PDE4B: variants seen among roughly 807,000 people sequenced by gnomAD.
PDE4B encodes 3',5'-cyclic-AMP phosphodiesterase 4B.
Under a neutral mutation model 82.2 loss-of-function variants are expected in PDE4B, and 20 were observed. That is an observed-to-expected ratio of 0.24 (90% CI 0.17 to 0.35). The LOEUF (loss-of-function observed/expected upper bound fraction) is 0.35. Ranked by LOEUF, PDE4B falls within the 10% of genes least tolerant of loss-of-function variation. The probability of loss-of-function intolerance (pLI) is 1.00; values close to 1 mark genes in which losing one functional copy is unlikely to be tolerated. For missense variants in PDE4B, 655 were observed against 907.2 expected, an observed-to-expected ratio of 0.72 and a Z score of 3.57; for synonymous variants, 320 against 318.9, an observed-to-expected ratio of 1.00 and a Z score of -0.04.
intron 1 of PDE4B, among the ~76,000 whole-genome samples, chr1:65,805,617 T>G (rs1645746290): frequency 6.6e-6 from 1 of 152,176 alleles, no homozygotes; most frequent in South Asian, 2.1e-4. Context: ...GGTTTAATCT[T>G]TTGTATTGAT....
chr1:66,327,458 T>C (rs1422681654), intron 7 of PDE4B, among the ~76,000 whole-genome samples: 1 of 152,186 alleles, frequency 6.6e-6, no homozygotes, highest in East Asian at 1.9e-4. Flanking sequence ...ATCATTTGAA[T>C]TTTTGGCTTC....
rs964977752 is a variant in PDE4B, at chr1:66,107,650, G to A, written c.282-139810G>A. Among the ~76,000 whole-genome samples the A allele has an allele frequency of 2.0e-5, 3 of 151,844 alleles. No homozygotes were observed. In the East Asian group the frequency reaches 5.8e-4, roughly 29 times the overall value. ...GTTATGCAGATATATTCACTTCAAG[G>A]CAAAACACCAAATTATTTTCTAGTG... On this transcript the variant is annotated intron_variant, in intron 3 of 16. Coordinates refer to ENST00000341517, the MANE Select transcript of PDE4B (RefSeq NM_002600.4).
At chr1:66,292,136 C>T (rs189865448) in intron 7 of PDE4B, among the ~76,000 whole-genome samples, 2 of 152,210 alleles carry the variant, frequency 1.3e-5, no homozygotes, top group East Asian at 1.9e-4. Flanking sequence ...AATAGATGTG[C>T]TCTAATTGTT....
At chr1:66,002,571 A>G (rs911165486) in intron 3 of PDE4B, among the ~76,000 whole-genome samples, 4 of 151,966 alleles carry the variant, frequency 2.6e-5, no homozygotes, top group East Asian at 1.9e-4. Context: ...AAATAAATCT[A>G]TAATAATTTT....
chr1:66,281,254 C>T (rs1656280729), intron 7 of PDE4B, among the ~76,000 whole-genome samples: 1 of 152,246 alleles, frequency 6.6e-6, no homozygotes, highest in Non-Finnish European at 1.5e-5. Context: ...TTGCCCCACT[C>T]CTCAAGTTTC....
chr1:66,257,978 A>G (rs543367525), intron 6 of PDE4B, 115 bp downstream of exon 6: 3 of 684,424 alleles, frequency 4.4e-6, no homozygotes, highest in East Asian at 5.4e-5. Context: ...AGCTAAGTTA[A>G]TATACACAAT....
At chr1:66,271,773 C>T (rs1655498835) in intron 7 of PDE4B, among the ~76,000 whole-genome samples, 1 of 152,178 alleles carries the variant, frequency 6.6e-6, no homozygotes, top group Non-Finnish European at 1.5e-5. Context: ...AAAAATGAGT[C>T]TCACATTTTG....
intron 3 of PDE4B, among the ~76,000 whole-genome samples, chr1:65,945,145 A>G (rs1050033278): frequency 6.6e-6 from 1 of 151,964 alleles, no homozygotes; most frequent in Admixed American, 6.6e-5. Context: ...CTATTGGTTT[A>G]AAGTGTATTC....
chr1:65,930,780 C>G (rs1331380343), intron 3 of PDE4B, among the ~76,000 whole-genome samples: 2 of 152,274 alleles, frequency 1.3e-5, no homozygotes, highest in East Asian at 1.9e-4. Context: ...AAGGGACTAG[C>G]CTTGTCTCAG....
In PDE4B at chr1:66,111,316, A is replaced by G. The variant is rs187265384; in HGVS notation, c.282-136144A>G. ...AAACATTTTTAAAGAGTTTGGTGACATTAAGTACATTAACACTGTTGGGCA... is the reference window on the plus strand; with the variant it reads ...AAACATTTTTAAAGAGTTTGGTGACGTTAAGTACATTAACACTGTTGGGCA... On this transcript the variant is annotated intron_variant, in intron 3 of 16. Transcript: ENST00000341517. Among the ~76,000 whole-genome samples, 25 of 152,262 alleles carry G rather than the reference A, an allele frequency of 1.6e-4. No individual in the cohort carries two copies. In the East Asian group the frequency reaches 2.9e-3, roughly 18 times the overall value.
At chr1:65,904,131 G>A (rs1647002011) in intron 1 of PDE4B, among the ~76,000 whole-genome samples, 1 of 152,142 alleles carries the variant, frequency 6.6e-6, no homozygotes, top group Non-Finnish European at 1.5e-5. Flanking sequence ...ACTTGATGAA[G>A]AGTGTCTGGG....
At chr1:65,960,853 T>C (rs1649508822) in intron 3 of PDE4B, among the ~76,000 whole-genome samples, 1 of 152,148 alleles carries the variant, frequency 6.6e-6, no homozygotes, top group Non-Finnish European at 1.5e-5. Context: ...TTTGTAAATA[T>C]ATAAAATCAT....
At chr1:66,291,969 G>T (rs866883854) in intron 7 of PDE4B, among the ~76,000 whole-genome samples, 1 of 152,052 alleles carries the variant, frequency 6.6e-6, no homozygotes, top group Non-Finnish European at 1.5e-5. Flanking sequence ...ATATGGATTT[G>T]CATGGAGCCA....
intron 12 of PDE4B, among the ~76,000 whole-genome samples, chr1:66,364,690 C>A (rs1663095332): frequency 6.6e-6 from 1 of 152,182 alleles, no homozygotes; most frequent in African/African-American, 2.4e-5. Context: ...GGTGTTTGAT[C>A]CCTCTGAAGG....
chr1:66,039,361 G>A (rs191662886), intron 3 of PDE4B, among the ~76,000 whole-genome samples: 1 of 152,128 alleles, frequency 6.6e-6, no homozygotes. Flanking sequence ...GAAATCAATT[G>A]CATGCCTAAA....
chr1:66,090,621 ATG>A lies in PDE4B; in HGVS notation c.282-156821_282-156820del, dbSNP rs146947689. ...TTATATATATATATGTATATAATAT[ATG>A]TGTGTGTGTGTGTGTGTATGTACGT... On this transcript the variant is annotated intron_variant, in intron 3 of 16. Transcript: ENST00000341517. Among the ~76,000 whole-genome samples, 118 of 122,730 alleles carry A rather than the reference ATG, an allele frequency of 9.6e-4. 4 individuals are homozygous for A. The highest frequency in any genetic ancestry group is 4.6e-3 in the African/African-American group (111 of 24,378). 80.5% of individuals were successfully genotyped at this position (122,730 alleles called of 152,430 possible). A position where few individuals can be genotyped will look rare whatever the true frequency, so the allele number is the denominator to read the frequency against.
chr1:65,948,814 T>C (rs189605276), intron 3 of PDE4B, among the ~76,000 whole-genome samples: 2 of 152,196 alleles, frequency 1.3e-5, no homozygotes, highest in African/African-American at 4.8e-5. Flanking sequence ...AACATCTTTC[T>C]TGTTTTTCAG....
chr1:66,010,675 CT>C (rs1365653486), intron 3 of PDE4B, among the ~76,000 whole-genome samples: 3 of 151,220 alleles, frequency 2.0e-5, no homozygotes, highest in Non-Finnish European at 4.4e-5. Context: ...TAAATTCCCA[CT>C]TCATTGACTT....
chr1:66,350,443 A>AGGTACCT (rs1011448988), intron 8 of PDE4B, among the ~76,000 whole-genome samples: 1 of 151,900 alleles, frequency 6.6e-6, no homozygotes, highest in Non-Finnish European at 1.5e-5. Context: ...CATGAGAGGA[A>AGGTACCT]GGTACCTGCT....
Sources: allele counts gnomAD v4.1 joint callset (sites outside exome capture counted in the v4.1 genomes callset), GRCh38; gene constraint gnomAD v4.1.1; transcripts MANE v1.5; gene names NCBI Gene and HGNC (gene_info 2026-07-23, HGNC 2026-07-21).